SPATA21: variants seen among roughly 807,000 people sequenced by gnomAD.
SPATA21 encodes spermatogenesis-associated protein 21.
SPATA21 carries 47 observed loss-of-function variants against 54.8 expected under a neutral mutation model. That is an observed-to-expected ratio of 0.86 (90% CI 0.68 to 1.09). The LOEUF (loss-of-function observed/expected upper bound fraction) is 1.09, where lower values mean the gene tolerates loss of function less well. Ranked by LOEUF, SPATA21 falls within the 50% of genes least tolerant of loss-of-function variation. The pLI, the probability that SPATA21 is intolerant of heterozygous loss-of-function variation, is 0.00. For synonymous variants in SPATA21, 245 were observed against 235.3 expected (o/e 1.04, Z -0.38); for missense variants, 599 against 596.4 (o/e 1.00, Z -0.05).
chr1:16,406,719 G>C (rs939647575), intron 7 of SPATA21, among the ~76,000 whole-genome samples: 4 of 152,196 alleles, frequency 2.6e-5, no homozygotes, highest in African/African-American at 9.7e-5. Flanking sequence ...TCCAGCCTGG[G>C]TGACAGAACA....
intron 3 of SPATA21, among the ~76,000 whole-genome samples, chr1:16,424,237 T>A (rs1046215026): frequency 9.1e-4 from 3 of 3,298 alleles, no homozygotes; most frequent in South Asian, 0.013. Context: ...GGCATGAACC[T>A]GGGAGGCAGA....
At chr1:16,400,127 A>C (rs1440661288) in intron 11 of SPATA21, among the ~76,000 whole-genome samples, 1 of 151,984 alleles carries the variant, frequency 6.6e-6, no homozygotes, top group African/African-American at 2.4e-5. Context: ...CCCGGGTTCA[A>C]GCGATTCTCC....
At chr1:16,400,346 G>A in intron 11 of SPATA21, 1 of 702,816 alleles carries the variant, frequency 1.4e-6, no homozygotes, top group Non-Finnish European at 1.8e-6. Flanking sequence ...TGTAAAATGG[G>A]GTAAATACAT....
At chr1:16,423,558 T>TA (rs1269123726) in intron 3 of SPATA21, among the ~76,000 whole-genome samples, 2 of 143,268 alleles carry the variant, frequency 1.4e-5, no homozygotes, top group Non-Finnish European at 3.1e-5. Flanking sequence ...TTTTTTTTTT[T>TA]TTGGAGACAG....
At chr1:16,408,872 A>G (rs1395585373) in intron 7 of SPATA21, among the ~76,000 whole-genome samples, 1 of 14,890 alleles carries the variant, frequency 6.7e-5, no homozygotes, top group African/African-American at 3.0e-4. Context: ...TCTGTCTCAA[A>G]AAAAAAAAAA....
chr1:16,430,311 T>G (rs1012352239), intron 3 of SPATA21, among the ~76,000 whole-genome samples: 1 of 151,096 alleles, frequency 6.6e-6, no homozygotes, highest in Middle Eastern at 3.4e-3. Context: ...GCCACGCCTA[T>G]AGTTCCAGCT....
intron 10 of SPATA21, among the ~76,000 whole-genome samples, chr1:16,402,951 A>C (rs538440346): frequency 5.3e-5 from 8 of 152,304 alleles, no homozygotes; most frequent in South Asian, 2.1e-4. Context: ...GCATTTATTG[A>C]GCAACAAGCA....
rs1304057501 is a variant in SPATA21, at chr1:16,405,111, G to A, written c.674-7C>T. The A allele has an allele frequency of 6.2e-7, 1 of 1,608,044 alleles. No homozygotes were observed. The highest frequency in any genetic ancestry group is 1.3e-5 in the African/African-American group (1 of 74,562). ...TCAAAGTAGCTGCGGAAGGCTGTGG[G>A]GAGGGCAGGGTTATGTGGAGTGGGG... On this transcript the variant is annotated splice_polypyrimidine_tract_variant and splice_region_variant and intron_variant, in intron 7 of 12. Coordinates refer to ENST00000335496, the MANE Select transcript of SPATA21 (RefSeq NM_198546.1).
At chr1:16,431,500 A>G (rs1486152279) in intron 2 of SPATA21, 78 bp from the exon 3 acceptor site, 2 of 1,386,318 alleles carry the variant, frequency 1.4e-6, no homozygotes, top group African/African-American at 2.9e-5. Context: ...TGGAGCCTAT[A>G]ATGTAGACAG....
At chr1:16,412,450 G>A (rs1445059441) in intron 5 of SPATA21, among the ~76,000 whole-genome samples, 1 of 151,630 alleles carries the variant, frequency 6.6e-6, no homozygotes, top group Non-Finnish European at 1.5e-5. Flanking sequence ...TAACATACAC[G>A]TAACATTTAC....
intron 7 of SPATA21, among the ~76,000 whole-genome samples, chr1:16,406,078 T>C (rs1004354437): frequency 6.6e-6 from 1 of 152,064 alleles, no homozygotes; most frequent in Non-Finnish European, 1.5e-5. Context: ...GGATATGGAA[T>C]AGACAGCAGA....
intron 3 of SPATA21, chr1:16,422,206 A>G: frequency 7.0e-7 from 1 of 1,427,080 alleles, no homozygotes; most frequent in Non-Finnish European, 9.1e-7. Context: ...TGTCAAGGAC[A>G]AGGACACCAC....
chr1:16,416,752 G>C (rs970146258), intron 5 of SPATA21, among the ~76,000 whole-genome samples: 6 of 152,054 alleles, frequency 3.9e-5, no homozygotes, highest in Admixed American at 1.3e-4. Context: ...GAACACCCCA[G>C]GATCTGTTCC....
chr1:16,424,998 A>G, intron 3 of SPATA21: 1 of 328,594 alleles, frequency 3.0e-6, no homozygotes, highest in South Asian at 2.3e-5. Flanking sequence ...AGCTCACTGC[A>G]ACCTCCACCT....
chr1:16,399,495 G>T lies in SPATA21; in HGVS notation c.1201C>A (p.Gln401Lys), dbSNP rs756231551. ...GGGCAGAGCAGGATGCAGGGCACCT[G>T]GGCATAGGGGCTCTGCAGGTTGGGA... is the stretch of plus-strand genomic sequence containing the variant. Reference protein sequence around the residue: ...YAPNLQSPYAQVPCILLCPQL... With the variant: ...YAPNLQSPYAKVPCILLCPQL... The change falls in exon 12 of 13, where the codon CAG becomes AAG. Residue 401 changes from glutamine (Q) to lysine (K), a missense_variant. Coordinates refer to ENST00000335496, the MANE Select transcript of SPATA21 (RefSeq NM_198546.1). 6 of 1,613,924 alleles carry T rather than the reference G, an allele frequency of 3.7e-6. No individual in the cohort carries two copies. The highest frequency in any genetic ancestry group is 4.2e-6 in the Non-Finnish European group (5 of 1,179,956).
chr1:16,416,493 C>A (rs1319248256), intron 5 of SPATA21, among the ~76,000 whole-genome samples: 1 of 152,096 alleles, frequency 6.6e-6, no homozygotes, highest in Non-Finnish European at 1.5e-5. Context: ...GCCTGGCCAA[C>A]ATGGCGAAAC....
intron 5 of SPATA21, among the ~76,000 whole-genome samples, chr1:16,420,694 C>T (rs2086146737): frequency 6.6e-6 from 1 of 152,090 alleles, no homozygotes; most frequent in Non-Finnish European, 1.5e-5. Flanking sequence ...CTTCACAGCT[C>T]CCATTGCAGC....
chr1:16,433,331 C>T (rs2086506979), intron 1 of SPATA21, among the ~76,000 whole-genome samples: 2 of 152,230 alleles, frequency 1.3e-5, no homozygotes, highest in South Asian at 4.1e-4. Context: ...GGGGTGACCT[C>T]CCACCCCTGG....
intron 5 of SPATA21, among the ~76,000 whole-genome samples, chr1:16,416,084 C>T (rs1336719635): frequency 6.6e-6 from 1 of 152,222 alleles, no homozygotes; most frequent in Non-Finnish European, 1.5e-5. Flanking sequence ...TGTCACTGCT[C>T]TGCTACCCCC....
Sources: allele counts gnomAD v4.1 joint callset (sites outside exome capture counted in the v4.1 genomes callset), GRCh38; gene constraint gnomAD v4.1.1; transcripts MANE v1.5; gene names NCBI Gene and HGNC (gene_info 2026-07-23, HGNC 2026-07-21).